CACNA1C: variants seen among roughly 807,000 people sequenced by gnomAD.
The protein encoded by CACNA1C is voltage-dependent L-type calcium channel subunit alpha-1C.
Under a neutral mutation model 229.0 loss-of-function variants are expected in CACNA1C, and 30 were observed. The ratio of observed to expected loss-of-function variants is 0.13; its 90% confidence interval spans 0.10 to 0.18. The LOEUF is 0.18. Ranked by LOEUF, CACNA1C falls within the 10% of genes least tolerant of loss-of-function variation. The pLI, the probability that CACNA1C is intolerant of heterozygous loss-of-function variation, is 1.00. For missense variants in CACNA1C, 1,658 were observed against 2,845.0 expected, an observed-to-expected ratio of 0.58 and a Z score of 9.49; for synonymous variants, 1,114 against 1,132.5, an observed-to-expected ratio of 0.98 and a Z score of 0.33.
At chr12:2,051,992 C>A (rs1446831379), upstream of CACNA1C, among the ~76,000 whole-genome samples, 1 of 152,130 alleles carries the variant, frequency 6.6e-6, no homozygotes, top group African/African-American at 2.4e-5. Flanking sequence ...AGAGGTTTTC[C>A]CCAAGAGGGA....
At chr12:2,205,842 T>C (rs549553221) in intron 3 of CACNA1C, among the ~76,000 whole-genome samples, 10 of 152,312 alleles carry the variant, frequency 6.6e-5, no homozygotes, top group South Asian at 4.1e-4. Context: ...GAGGGCCTTC[T>C]TCCTGGCTCG....
chr12:2,401,851 C>G (rs187691609), intron 3 of CACNA1C, among the ~76,000 whole-genome samples: 14 of 152,284 alleles, frequency 9.2e-5, no homozygotes, highest in Admixed American at 1.3e-4. Context: ...TACACTATGT[C>G]CTCTCCTTTT....
chr12:2,135,001 C>T (rs1460439076), intron 3 of CACNA1C, among the ~76,000 whole-genome samples: 5 of 133,392 alleles, frequency 3.7e-5, no homozygotes, highest in Non-Finnish European at 6.4e-5. Context: ...AGGCTTTGCT[C>T]ATTTCTTTTT....
intron 3 of CACNA1C, among the ~76,000 whole-genome samples, chr12:2,158,690 A>G (rs1190520378): frequency 1.3e-5 from 2 of 152,246 alleles, no homozygotes; most frequent in Non-Finnish European, 2.9e-5. Flanking sequence ...TGATCAAACT[A>G]TCACTCAAGC....
chr12:2,288,627 C>T (rs115724978), intron 3 of CACNA1C: 6,573 of 152,332 alleles, frequency 0.043, 176 homozygotes, highest in Middle Eastern at 0.065. Context: ...ATTGTGTGTC[C>T]GTGGTGGGTC....
intron 8 of CACNA1C, among the ~76,000 whole-genome samples, chr12:2,511,339 G>A (rs917067167): frequency 1.3e-5 from 2 of 152,320 alleles, no homozygotes; most frequent in East Asian, 1.9e-4. Flanking sequence ...GCACTAGGCA[G>A]TGCAGGTAGT....
intron 3 of CACNA1C, among the ~76,000 whole-genome samples, chr12:2,315,381 C>T (rs920669729): frequency 1.3e-5 from 2 of 152,190 alleles, no homozygotes; most frequent in African/African-American, 2.4e-5. Flanking sequence ...TATGACAACA[C>T]GGAACCAGCC....
rs2097282455 is a variant in CACNA1C at position 2,354,011 on chromosome 12, G to A, written c.478-94965G>A. Among the ~76,000 whole-genome samples the A allele has an allele frequency of 6.6e-6, 1 of 152,208 alleles. No individual in the cohort carries two copies. On this transcript the variant is annotated intron_variant, in intron 3 of 46. Transcript: ENST00000399655. The surrounding 1 kb of genome is among the most constrained non-coding windows in gnomAD (Gnocchi z 4.6). ...GGCCACTGTGTTCACACAGGTTAGA[G>A]GAAGGAGAATCTGGAGACAAATGCC...
intron 3 of CACNA1C, among the ~76,000 whole-genome samples, chr12:2,160,060 G>T (rs1372787509): frequency 6.6e-6 from 1 of 152,122 alleles, no homozygotes; most frequent in Non-Finnish European, 1.5e-5. Flanking sequence ...GGACCGTCCT[G>T]CTGGGATCCT....
At chr12:2,598,106 G>C (rs918405566) in intron 21 of CACNA1C, among the ~76,000 whole-genome samples, 3 of 152,190 alleles carry the variant, frequency 2.0e-5, no homozygotes, top group African/African-American at 7.2e-5. Context: ...ACAGACTACT[G>C]CCGACCCTCA....
intron 3 of CACNA1C, among the ~76,000 whole-genome samples, chr12:2,282,246 A>G (rs77704787): frequency 0.043 from 6,547 of 152,254 alleles, 174 homozygotes; most frequent in Middle Eastern, 0.065. Context: ...ACTTCGCAGG[A>G]CTTGACATTT....
rs1352341266 is a variant in CACNA1C at position 2,115,326 on chromosome 12, C to T, written c.152C>T (p.Ser51Leu). The stretch of plus-strand genomic sequence containing the variant: ...ATCCCCACCCCGGGGGCTGCCCTGT[C>T]GTGGCAGGCGGCCATCGACGCAGCC... ...EHIPTPGAALSWQAAIDAARQ... is the reference protein window; with the variant it reads ...EHIPTPGAALLWQAAIDAARQ... The change falls in exon 2 of 47, where the codon TCG (serine) becomes TTG (leucine). Residue 51 changes from serine to leucine, a missense_variant. Physicochemically the swap from Ser to Leu is moderately radical, Grantham distance 145. Around this residue, in one of 20 missense-constraint regions of CACNA1C, gnomAD observed 111 missense variants for 128.0 expected, o/e 0.87. Coordinates refer to ENST00000399655, the MANE Select transcript of CACNA1C (RefSeq NM_000719.7). 1 of 1,587,474 alleles carries T rather than the reference C, an allele frequency of 6.3e-7. No individual in the cohort carries two copies. Among genetic ancestry groups the T allele is most frequent in the Non-Finnish European group, 8.5e-7 (1 of 1,169,998 alleles).
intron 13 of CACNA1C, among the ~76,000 whole-genome samples, chr12:2,569,513 T>C (rs2053190815): frequency 6.6e-6 from 1 of 152,220 alleles, no homozygotes; most frequent in Non-Finnish European, 1.5e-5. Flanking sequence ...TAGAGTTGCC[T>C]ATTTTGGACC....
intron 6 of CACNA1C, among the ~76,000 whole-genome samples, chr12:2,490,995 C>T (rs1359581859): frequency 6.6e-6 from 1 of 152,216 alleles, no homozygotes; most frequent in East Asian, 1.9e-4. Context: ...ATCCAGACGT[C>T]CATCAGCTGG....
chr12:2,252,420 A>G (rs147296006), intron 3 of CACNA1C, among the ~76,000 whole-genome samples: 1 of 152,182 alleles, frequency 6.6e-6, no homozygotes, highest in Non-Finnish European at 1.5e-5. Flanking sequence ...GTTGTAGGAC[A>G]GTGTAGAAAG....
intron 3 of CACNA1C, among the ~76,000 whole-genome samples, chr12:2,192,830 C>T (rs1042722672): frequency 3.9e-5 from 6 of 151,900 alleles, no homozygotes; most frequent in African/African-American, 7.3e-5. Context: ...TGATGGGGAG[C>T]GGTGAGGGAC....
Position 2,612,033 on chromosome 12 carries a change from C to T in CACNA1C, c.3828+20C>T. On this transcript the variant is annotated intron_variant, in intron 29 of 46. Coordinates refer to ENST00000399655, the MANE Select transcript of CACNA1C (RefSeq NM_000719.7). ...CCCAAGGTAGGCCTCTGAGAAAGACCTTTGATTCCCAGGCATCAGGGGTGG... is the reference window on the plus strand; with the variant it reads ...CCCAAGGTAGGCCTCTGAGAAAGACTTTTGATTCCCAGGCATCAGGGGTGG... 7.1e-7 allele frequency: 1 copy of T among 1,409,618 alleles called. No homozygotes were observed. The highest frequency in any genetic ancestry group is 1.0e-6 in the Non-Finnish European group (1 of 994,048). 87.3% of individuals were successfully genotyped at this position (1,409,618 alleles called of 1,614,324 possible).
intron 3 of CACNA1C, among the ~76,000 whole-genome samples, chr12:2,207,480 T>C (rs149987096): frequency 8.0e-4 from 122 of 152,290 alleles, no homozygotes; most frequent in African/African-American, 2.7e-3. Flanking sequence ...TGGCTTTGAG[T>C]TGACATGTAA....
chr12:2,591,093 C>T (rs571580581), intron 18 of CACNA1C, among the ~76,000 whole-genome samples: 1 of 152,272 alleles, frequency 6.6e-6, no homozygotes, highest in South Asian at 2.1e-4. Context: ...CTGGTCAGCT[C>T]TAATTACCCT....
Sources: gnomAD v4.1 joint callset for allele counts (sites outside exome capture counted in the v4.1 genomes callset) on GRCh38, gnomAD v4.1.1 for gene constraint, gnomAD v4.1.1 regional missense constraint, Gnocchi (gnomAD v3.1) non-coding constraint, MANE v1.5 for transcripts, NCBI Gene and HGNC (gene_info 2026-07-23, HGNC 2026-07-21) for gene names.